RBFOX1: variants seen among roughly 807,000 people sequenced by gnomAD.
The protein encoded by RBFOX1 is RNA binding fox-1 homolog 1.
Under a neutral mutation model 57.7 loss-of-function variants are expected in RBFOX1, and 8 were observed. The observed-to-expected ratio is 0.14, with a 90% CI of 0.08 to 0.25. The LOEUF is 0.25. Ranked by LOEUF, RBFOX1 falls within the 10% of genes least tolerant of loss-of-function variation. The pLI, the probability that RBFOX1 is intolerant of heterozygous loss-of-function variation, is 1.00. For synonymous variants in RBFOX1, 326 were observed against 222.4 expected, an observed-to-expected ratio of 1.47 and a Z score of -4.15; for missense variants, 611 against 548.5, an observed-to-expected ratio of 1.11 and a Z score of -1.14.
At chr16:5,457,271 A>G (rs1460447799) in intron 1 of RBFOX1, among the ~76,000 whole-genome samples, 1 of 152,146 alleles carries the variant, frequency 6.6e-6, no homozygotes, top group East Asian at 1.9e-4. Flanking sequence ...AGTAACTGGG[A>G]CTATAGGCAT....
chr16:7,547,082 G>C (rs2084768859), intron 5 of RBFOX1, among the ~76,000 whole-genome samples: 1 of 151,904 alleles, frequency 6.6e-6, no homozygotes, highest in African/African-American at 2.4e-5. Flanking sequence ...CATTATCTCA[G>C]AGTGATTTAA....
At chr16:5,371,057 C>T (rs573328871) in intron 1 of RBFOX1, among the ~76,000 whole-genome samples, 1 of 152,206 alleles carries the variant, frequency 6.6e-6, no homozygotes, top group Non-Finnish European at 1.5e-5. Context: ...AGGCGATTCT[C>T]CTGCCTTAGC....
chr16:5,890,837 C>A (rs1341252334), intron 4 of RBFOX1, among the ~76,000 whole-genome samples: 1 of 152,060 alleles, frequency 6.6e-6, no homozygotes. Flanking sequence ...GATCCATTCA[C>A]CCAACATTGT....
chr16:6,506,848 A>C (rs540181501), intron 2 of RBFOX1, among the ~76,000 whole-genome samples: 1 of 151,976 alleles, frequency 6.6e-6, no homozygotes, highest in Non-Finnish European at 1.5e-5. Flanking sequence ...GGGTTTGGCC[A>C]TGTTGGCCAG....
At chr16:6,576,134 C>T (rs2097432112) in intron 2 of RBFOX1, among the ~76,000 whole-genome samples, 1 of 152,124 alleles carries the variant, frequency 6.6e-6, no homozygotes, top group Non-Finnish European at 1.5e-5. Context: ...TCTACTTTAT[C>T]AGTTTTTATT....
At chr16:6,610,629 C>G (rs2098032873) in intron 2 of RBFOX1, among the ~76,000 whole-genome samples, 1 of 152,132 alleles carries the variant, frequency 6.6e-6, no homozygotes, top group Non-Finnish European at 1.5e-5. Context: ...TACACCCCAC[C>G]CGATCAACAT....
chr16:7,235,757 T>G (rs1460916570), intron 4 of RBFOX1, among the ~76,000 whole-genome samples: 1 of 152,202 alleles, frequency 6.6e-6, no homozygotes, highest in East Asian at 1.9e-4. Flanking sequence ...GACCAAAAAT[T>G]GTTAAAAATG....
chr16:6,943,617 A>G lies in RBFOX1; in HGVS notation c.-15-108440A>G, dbSNP rs189131317. On this transcript the variant is annotated intron_variant, in intron 3 of 15. Coordinates refer to ENST00000550418, the MANE Select transcript of RBFOX1 (RefSeq NM_018723.4). The stretch of plus-strand genomic sequence containing the variant: ...CAGCTACTTGGGAGGCTGAGGCAGG[A>G]GAATGGCGTGAACCCGGGAGGCGGA... Among the ~76,000 whole-genome samples the G allele has an allele frequency of 2.1e-3, 315 of 151,406 alleles. 4 individuals are homozygous for G. Among genetic ancestry groups the G allele is most frequent in the Admixed American group, 0.019 (286 of 15,212 alleles).
At chr16:7,657,893 G>A (rs563355920) in intron 12 of RBFOX1, among the ~76,000 whole-genome samples, 67 of 152,278 alleles carry the variant, frequency 4.4e-4, no homozygotes, top group African/African-American at 1.5e-3. Flanking sequence ...AGAAAGTAAT[G>A]TCTACATAGC....
intron 3 of RBFOX1, among the ~76,000 whole-genome samples, chr16:5,690,801 C>G (rs1360448081): frequency 6.6e-6 from 1 of 152,154 alleles, no homozygotes; most frequent in African/African-American, 2.4e-5. Flanking sequence ...CTGACCATGC[C>G]TAGGCTGAAG....
intron 1 of RBFOX1, among the ~76,000 whole-genome samples, chr16:5,459,724 C>G (rs934754793): frequency 6.6e-6 from 1 of 152,166 alleles, no homozygotes; most frequent in Non-Finnish European, 1.5e-5. Context: ...CACATACACA[C>G]ATGCACGCAC....
At chr16:6,001,357 G>C (rs532712261) in intron 4 of RBFOX1, among the ~76,000 whole-genome samples, 2 of 152,308 alleles carry the variant, frequency 1.3e-5, no homozygotes, top group Admixed American at 1.3e-4. Flanking sequence ...TTTATTGCCA[G>C]TAAAGAAACC....
At chr16:7,515,447 A>C (rs951774960) in intron 4 of RBFOX1, among the ~76,000 whole-genome samples, 3 of 151,862 alleles carry the variant, frequency 2.0e-5, no homozygotes, top group Non-Finnish European at 4.4e-5. Flanking sequence ...CTAAGAGGAT[A>C]GATCTTAAAT....
intron 1 of RBFOX1, among the ~76,000 whole-genome samples, chr16:6,117,335 C>A (rs898793162): frequency 6.6e-6 from 1 of 152,204 alleles, no homozygotes; most frequent in African/African-American, 2.4e-5. Flanking sequence ...GACAGCTTCA[C>A]CTTCGTTTCC....
chr16:6,849,538 G>A (rs184576392), intron 3 of RBFOX1, among the ~76,000 whole-genome samples: 1 of 152,092 alleles, frequency 6.6e-6, no homozygotes, highest in Non-Finnish European at 1.5e-5. Flanking sequence ...GTATGGTGGT[G>A]CATGCCTGTA....
chr16:6,257,416 C>T (rs1369828639), intron 1 of RBFOX1, among the ~76,000 whole-genome samples: 1 of 151,866 alleles, frequency 6.6e-6, no homozygotes, highest in Non-Finnish European at 1.5e-5. Context: ...TGAATTTCTT[C>T]TTCTTCTTTT....
chr16:5,430,591 C>T (rs2067701271), intron 1 of RBFOX1, among the ~76,000 whole-genome samples: 1 of 152,154 alleles, frequency 6.6e-6, no homozygotes, highest in Non-Finnish European at 1.5e-5. Flanking sequence ...AGCCCACCTG[C>T]AGGTGTGAAG....
chr16:7,121,742 T>C (rs2067231133), intron 4 of RBFOX1, among the ~76,000 whole-genome samples: 1 of 151,726 alleles, frequency 6.6e-6, no homozygotes, highest in African/African-American at 2.4e-5. Flanking sequence ...ATATCCAAAA[T>C]AAAGAAGAAT....
chr16:6,076,641 A>G (rs891583626), intron 1 of RBFOX1, among the ~76,000 whole-genome samples: 7 of 124,178 alleles, frequency 5.6e-5, no homozygotes, highest in East Asian at 4.2e-4. Context: ...GAAATCTATA[A>G]AATTTTTTGT....
Sources: allele counts gnomAD v4.1 joint callset (sites outside exome capture counted in the v4.1 genomes callset), GRCh38; gene constraint gnomAD v4.1.1; transcripts MANE v1.5; gene names NCBI Gene and HGNC (gene_info 2026-07-23, HGNC 2026-07-21).